The following COL25A1 variants were observed in gnomAD, a reference collection of about 807,000 sequenced individuals.
COL25A1 encodes the protein collagen alpha-1(XXV) chain.
COL25A1 carries 103 observed loss-of-function variants against 128.4 expected under a neutral mutation model. The ratio of observed to expected loss-of-function variants is 0.80; its 90% CI spans 0.68 to 0.94. The LOEUF (loss-of-function observed/expected upper bound fraction) is 0.94, where lower values mean the gene tolerates loss of function less well. COL25A1 is among the 40% of genes least tolerant of loss of function. The pLI is 0.00. For missense variants in COL25A1, 745 were observed against 840.0 expected (o/e 0.89, Z 1.40); for synonymous variants, 279 against 277.2 (o/e 1.01, Z -0.06).
chr4:109,273,132 G>A (rs1782315959), intron 3 of COL25A1, among the ~76,000 whole-genome samples: 1 of 152,136 alleles, frequency 6.6e-6, no homozygotes, highest in African/African-American at 2.4e-5. Context: ...GAGGTCCGAT[G>A]CCACAAATAG....
At chr4:109,227,330 A>T (rs1233052590) in intron 3 of COL25A1, among the ~76,000 whole-genome samples, 1 of 152,252 alleles carries the variant, frequency 6.6e-6, no homozygotes, top group Non-Finnish European at 1.5e-5. Context: ...AGTATTAAAA[A>T]TGATGTGAAG....
chr4:108,921,653 A>G (rs1745506407), intron 11 of COL25A1, among the ~76,000 whole-genome samples: 2 of 152,216 alleles, frequency 1.3e-5, no homozygotes, highest in African/African-American at 2.4e-5. Flanking sequence ...CATCCTTTTT[A>G]TTAAAAATAT....
At chr4:109,241,598 A>G (rs1779898716) in intron 3 of COL25A1, among the ~76,000 whole-genome samples, 1 of 150,184 alleles carries the variant, frequency 6.7e-6, no homozygotes, top group South Asian at 2.1e-4. Context: ...TCATGTGCTA[A>G]GTCAAATCTA....
chr4:108,979,312 T>A (rs1280164883), intron 6 of COL25A1, among the ~76,000 whole-genome samples: 2 of 152,114 alleles, frequency 1.3e-5, no homozygotes, highest in African/African-American at 4.8e-5. Flanking sequence ...AATTAAATGA[T>A]AAAACCAAAC....
At chr4:108,841,614 A>G in intron 31 of COL25A1, 81 bp downstream of exon 31, 4 of 1,136,876 alleles carry the variant, frequency 3.5e-6, no homozygotes, top group South Asian at 1.3e-5. Context: ...TAAATAAGAT[A>G]GGACAGACAT....
In COL25A1 at chr4:108,899,085, T is replaced by C. The variant is rs906211417; in HGVS notation, c.861+69A>G. On this transcript the variant is annotated intron_variant, in intron 15 of 37. Transcript: ENST00000399132. The stretch of plus-strand genomic sequence containing the variant: ...CATCCATTCATGCATATAGTTTAGT[T>C]TGAGTACTTCTTTGGTATGCTGGTG... The C allele has an allele frequency of 1.6e-4, 246 of 1,502,070 alleles. 1 individual carries two copies. In the Admixed American group the frequency reaches 4.2e-3, roughly 26 times the overall value. 93.0% of individuals were successfully genotyped at this position (1,502,070 alleles called of 1,614,324 possible). A position where few individuals can be genotyped will look rare whatever the true frequency, so the allele number is the denominator to read the frequency against.
chr4:108,849,358 C>T lies in COL25A1; in HGVS notation c.1390-555G>A, dbSNP rs188530266. Among the ~76,000 whole-genome samples, 269 of 152,252 alleles carry T rather than the reference C, an allele frequency of 1.8e-3. 1 individual carries two copies. The highest frequency in any genetic ancestry group is 2.4e-3 in the Non-Finnish European group (164 of 68,014). ...AGCCTCACTGAAGGATATCATAAAT[C>T]AGATATCTTAATGCATATGAAATAA... On this transcript the variant is annotated intron_variant, in intron 26 of 37. Transcript: ENST00000399132.
At chr4:109,094,476 T>TA (rs898610768) in intron 3 of COL25A1, among the ~76,000 whole-genome samples, 4 of 151,686 alleles carry the variant, frequency 2.6e-5, no homozygotes, top group Non-Finnish European at 5.9e-5. Context: ...TTCCTTTCTT[T>TA]AAAAAAAAAT....
intron 3 of COL25A1, among the ~76,000 whole-genome samples, chr4:109,229,997 C>G (rs1001470191): frequency 1.3e-5 from 2 of 152,090 alleles, no homozygotes; most frequent in African/African-American, 2.4e-5. Flanking sequence ...CTTCACATGG[C>G]AAAAGCAGGA....
intron 8 of COL25A1, among the ~76,000 whole-genome samples, chr4:108,947,124 A>G (rs1453961816): frequency 6.6e-6 from 1 of 152,164 alleles, no homozygotes; most frequent in Non-Finnish European, 1.5e-5. Context: ...GCCAAGGGAC[A>G]GCAGTTGGAC....
At chr4:109,279,568 C>G (rs1723171892) in intron 3 of COL25A1, among the ~76,000 whole-genome samples, 1 of 152,070 alleles carries the variant, frequency 6.6e-6, no homozygotes, top group Admixed American at 6.6e-5. Context: ...ACAGCAAGAC[C>G]CTGTCTCAAT....
At chr4:108,960,497 C>T (rs1236021496) in intron 8 of COL25A1, among the ~76,000 whole-genome samples, 1 of 152,018 alleles carries the variant, frequency 6.6e-6, no homozygotes, top group Non-Finnish European at 1.5e-5. Context: ...ATGCTATGTT[C>T]TCAAAGCACA....
At chr4:109,193,108 T>C (rs1775758642) in intron 3 of COL25A1, among the ~76,000 whole-genome samples, 2 of 152,102 alleles carry the variant, frequency 1.3e-5, no homozygotes, top group South Asian at 2.1e-4. Context: ...GATTCTGTAA[T>C]ACAGGAATGG....
chr4:109,118,429 A>T (rs1767805798), intron 3 of COL25A1, among the ~76,000 whole-genome samples: 1 of 151,956 alleles, frequency 6.6e-6, no homozygotes, highest in Non-Finnish European at 1.5e-5. Flanking sequence ...CTCTTTCTAC[A>T]ACATATACAT....
At chr4:108,957,707 C>T (rs12639812) in intron 8 of COL25A1, among the ~76,000 whole-genome samples, 45,777 of 151,982 alleles carry the variant, frequency 0.3, 7,496 homozygotes, top group South Asian at 0.46. Context: ...TAGGACACCC[C>T]GTAGAAGTTT....
At chr4:108,834,139 C>T (rs1478811221) in intron 31 of COL25A1, among the ~76,000 whole-genome samples, 28 of 152,178 alleles carry the variant, frequency 1.8e-4, no homozygotes, top group Admixed American at 1.8e-3. Context: ...TTCACAAAGA[C>T]ATTCTGGCAG....
rs557750757 is a variant in COL25A1, at chr4:108,862,634, T to C, written c.1153-89A>G. On this transcript the variant is annotated intron_variant, in intron 21 of 37. Coordinates refer to ENST00000399132, the MANE Select transcript of COL25A1 (RefSeq NM_198721.4). ...AGAAATTAGCAGTGACTCAGAATAA[T>C]GAAGAAAAATGGAAACACTTTATTT... The C allele has an allele frequency of 3.5e-4, 371 of 1,062,754 alleles. No homozygotes were observed. The African/African-American group carries it at 4.4e-3, about 13-fold the overall frequency. 65.8% of individuals were successfully genotyped at this position (1,062,754 alleles called of 1,614,324 possible).
intron 8 of COL25A1, among the ~76,000 whole-genome samples, chr4:108,966,524 G>A (rs539208134): frequency 6.6e-6 from 1 of 152,038 alleles, no homozygotes. Context: ...TAATCTGCTT[G>A]AGTTCAATCC....
Position 108,893,942 on chromosome 4 carries a change from C to A in COL25A1, c.906+2725G>T, listed in dbSNP as rs80351681. 2.3e-3 allele frequency among the ~76,000 whole-genome samples: 355 copies of A among 152,248 alleles called. 2 individuals are homozygous for A. Among genetic ancestry groups the A allele is most frequent in the African/African-American group, 8.2e-3 (341 of 41,552 alleles). ...CTATTTACAATCCCCTGTTTAGACC[C>A]ATTGAAGGTTTATAGAAATAATTTC... On this transcript the variant is annotated intron_variant, in intron 16 of 37. Coordinates refer to ENST00000399132, the MANE Select transcript of COL25A1 (RefSeq NM_198721.4).
Sources: gnomAD v4.1 joint callset for allele counts (sites outside exome capture counted in the v4.1 genomes callset) on GRCh38, gnomAD v4.1.1 for gene constraint, MANE v1.5 for transcripts, NCBI Gene and HGNC (gene_info 2026-07-23, HGNC 2026-07-21) for gene names.